Variants in CTNNA3 observed in about 807,000 individuals in gnomAD.
The protein encoded by CTNNA3 is catenin alpha-3.
CTNNA3 carries 76 observed loss-of-function variants against 95.7 expected under a neutral mutation model. The observed-to-expected ratio is 0.79, with a 90% confidence interval of 0.66 to 0.96. The LOEUF is 0.96. Ranked by LOEUF, CTNNA3 falls within the 40% of genes least tolerant of loss-of-function variation. The pLI is 0.00. For synonymous variants in CTNNA3, 431 were observed against 374.4 expected (o/e 1.15, Z -1.74); for missense variants, 1,191 against 1,089.8 (o/e 1.09, Z -1.31).
intron 7 of CTNNA3, among the ~76,000 whole-genome samples, chr10:67,018,995 A>T (rs1025348810): frequency 6.6e-6 from 1 of 152,196 alleles, no homozygotes; most frequent in African/African-American, 2.4e-5. Context: ...TTAGATCATA[A>T]GTATCTTGAG....
chr10:67,742,454 G>A (rs892774277), intron 1 of CTNNA3, among the ~76,000 whole-genome samples: 6 of 151,086 alleles, frequency 4.0e-5, no homozygotes, highest in African/African-American at 9.7e-5. Context: ...TGAAACCAAC[G>A]AGAACAAAGA....
chr10:66,493,148 A>C (rs548055527), intron 11 of CTNNA3, among the ~76,000 whole-genome samples: 1 of 152,338 alleles, frequency 6.6e-6, no homozygotes, highest in South Asian at 2.1e-4. Flanking sequence ...AAGGAGATGA[A>C]ATATTCATCT....
intron 5 of CTNNA3, among the ~76,000 whole-genome samples, chr10:67,293,482 A>C (rs1839913552): frequency 1.3e-5 from 2 of 152,222 alleles, no homozygotes; most frequent in Non-Finnish European, 2.9e-5. Flanking sequence ...TTATCAATGT[A>C]CATATTAAAT....
chr10:66,704,173 T>C (rs1277356407), intron 9 of CTNNA3, among the ~76,000 whole-genome samples: 1 of 152,182 alleles, frequency 6.6e-6, no homozygotes, highest in Non-Finnish European at 1.5e-5. Context: ...CATTGACTTC[T>C]ATTCATCACT....
intron 1 of CTNNA3, among the ~76,000 whole-genome samples, chr10:67,656,339 G>A (rs939448001): frequency 1.3e-5 from 2 of 152,030 alleles, no homozygotes; most frequent in African/African-American, 4.8e-5. Flanking sequence ...TACATAGAGG[G>A]CAATAATCTA....
At chr10:66,747,201 C>T (rs1455361565) in intron 9 of CTNNA3, among the ~76,000 whole-genome samples, 3 of 152,092 alleles carry the variant, frequency 2.0e-5, no homozygotes, top group Non-Finnish European at 2.9e-5. Context: ...TATATTGTCT[C>T]GGGCCTTAAT....
intron 1 of CTNNA3, among the ~76,000 whole-genome samples, chr10:67,737,518 A>G (rs1174072259): frequency 6.6e-6 from 1 of 152,204 alleles, no homozygotes; most frequent in East Asian, 1.9e-4. Context: ...AATAAAAGAA[A>G]TTAAGACCAA....
At position 67,017,757 on chromosome 10, in the gene CTNNA3, G is replaced by A. The variant is rs530372025; in HGVS notation, c.1047+162560C>T. Among the ~76,000 whole-genome samples, 866 of 151,736 alleles carry A rather than the reference G, an allele frequency of 5.7e-3. 7 individuals carry two copies. Among genetic ancestry groups the A allele is most frequent in the Middle Eastern group, 0.017 (5 of 294 alleles). ...TGTGTGTGTGTGTGTGTGTGTGCGC[G>A]CGTACAATTTTATGTGTACAATTTT... On this transcript the variant is annotated intron_variant, in intron 7 of 17. Coordinates refer to ENST00000433211, the MANE Select transcript of CTNNA3 (RefSeq NM_013266.4).
chr10:67,745,579 G>A (rs1391773254), intron 1 of CTNNA3, among the ~76,000 whole-genome samples: 2 of 151,396 alleles, frequency 1.3e-5, no homozygotes, highest in Non-Finnish European at 2.9e-5. Flanking sequence ...GTTAATGGGT[G>A]CAGCACACCA....
At chr10:66,264,864 C>A (rs151199534) in intron 13 of CTNNA3, among the ~76,000 whole-genome samples, 1 of 152,072 alleles carries the variant, frequency 6.6e-6, no homozygotes, top group Non-Finnish European at 1.5e-5. Flanking sequence ...CCCACAGGGA[C>A]AGGAACTGGG....
At chr10:66,731,498 C>A (rs78011539) in intron 9 of CTNNA3, among the ~76,000 whole-genome samples, 1 of 151,992 alleles carries the variant, frequency 6.6e-6, no homozygotes, top group South Asian at 2.1e-4. Flanking sequence ...AACTCTGGCA[C>A]GTAAGTCTCT....
intron 5 of CTNNA3, among the ~76,000 whole-genome samples, chr10:67,502,449 AG>A (rs1839264104): frequency 6.6e-6 from 1 of 152,184 alleles, no homozygotes; most frequent in Non-Finnish European, 1.5e-5. Context: ...CATGGGGGTC[AG>A]GGACCCACTA....
chr10:66,723,634 C>T (rs994877959), intron 9 of CTNNA3, among the ~76,000 whole-genome samples: 4 of 152,226 alleles, frequency 2.6e-5, no homozygotes, highest in African/African-American at 7.2e-5. Context: ...TGCAGTGTCC[C>T]TCAATGGCTA....
intron 9 of CTNNA3, among the ~76,000 whole-genome samples, chr10:66,685,283 A>ATG (rs1564617267): frequency 4.7e-4 from 13 of 27,422 alleles, no homozygotes; most frequent in Non-Finnish European, 6.8e-4. Context: ...ACGTATATAT[A>ATG]AGTATATATA....
intron 5 of CTNNA3, among the ~76,000 whole-genome samples, chr10:67,385,352 A>G (rs777905819): frequency 1.3e-5 from 2 of 152,172 alleles, no homozygotes; most frequent in South Asian, 2.1e-4. Flanking sequence ...AATTTTTTCA[A>G]ACCTCAGAAG....
chr10:66,004,172 A>G (rs2078832448), intron 15 of CTNNA3, among the ~76,000 whole-genome samples: 1 of 152,254 alleles, frequency 6.6e-6, no homozygotes, highest in South Asian at 2.1e-4. Flanking sequence ...TGCATCTTAA[A>G]GCACTGAAAT....
rs1043632826 is a variant in CTNNA3 at position 66,724,615 on chromosome 10, C to T, written c.1281+41649G>A. 2.0e-5 allele frequency among the ~76,000 whole-genome samples: 3 copies of T among 152,144 alleles called. No individual in the cohort carries two copies. The East Asian group carries it at 5.8e-4, about 29-fold the overall frequency. On this transcript the variant is annotated intron_variant, in intron 9 of 17. Transcript: ENST00000433211. ...GTGCTAAGTGATAAGGGGATATCATCTCGAAATTTAAAAGCTTCATTGAAT... is the reference window on the plus strand; with the variant it reads ...GTGCTAAGTGATAAGGGGATATCATTTCGAAATTTAAAAGCTTCATTGAAT...
intron 3 of CTNNA3, among the ~76,000 whole-genome samples, chr10:67,600,710 T>A (rs1382995944): frequency 1.3e-5 from 2 of 152,210 alleles, no homozygotes; most frequent in African/African-American, 4.8e-5. Flanking sequence ...TCCTAGGTAT[T>A]AGTCCAAAAG....
chr10:67,740,298 A>G (rs986694096), intron 1 of CTNNA3, among the ~76,000 whole-genome samples: 1 of 152,142 alleles, frequency 6.6e-6, no homozygotes, highest in African/African-American at 2.4e-5. Flanking sequence ...AAAAGCCAAA[A>G]TTGACAAATG....
Sources: allele counts gnomAD v4.1 joint callset (sites outside exome capture counted in the v4.1 genomes callset), GRCh38; gene constraint gnomAD v4.1.1; transcripts MANE v1.5; gene names NCBI Gene and HGNC (gene_info 2026-07-23, HGNC 2026-07-21).